CRADD: variants seen among roughly 807,000 people sequenced by gnomAD.
The protein encoded by CRADD is death domain-containing protein CRADD.
CRADD carries 9 observed loss-of-function variants against 15.5 expected under a neutral mutation model. That is an observed-to-expected ratio of 0.58 (90% CI 0.35 to 1.01). CRADD has a LOEUF of 1.01. Among genes scored for constraint, CRADD ranks in the 50% least tolerant of loss-of-function variants. The pLI is 0.02. For synonymous variants in CRADD, 118 were observed against 107.6 expected (o/e 1.10, Z -0.60); for missense variants, 227 against 250.3 (o/e 0.91, Z 0.63).
Position 93,791,967 on chromosome 12 carries a change from A to G in CRADD, c.299-58003A>G, listed in dbSNP as rs185975438. Reference sequence around the variant, plus strand: ...GCTGTATGGTGGCCCAGACTGGTTGAATTTTTTCACTTAACTTTTTGTTGA... The same window carrying G: ...GCTGTATGGTGGCCCAGACTGGTTGGATTTTTTCACTTAACTTTTTGTTGA... On this transcript the variant is annotated intron_variant, in intron 2 of 2. Transcript: ENST00000332896. Among the ~76,000 whole-genome samples the G allele has an allele frequency of 2.8e-4, 42 of 150,364 alleles. No individual in the cohort carries two copies. In the East Asian group the frequency reaches 7.4e-3, roughly 27 times the overall value.
intron 2 of CRADD, among the ~76,000 whole-genome samples, chr12:93,819,445 T>C (rs1029074397): frequency 5.3e-5 from 8 of 152,200 alleles, no homozygotes; most frequent in Admixed American, 1.3e-4. Flanking sequence ...GCTTAATGTG[T>C]GGTGGTTAAA....
At chr12:93,693,830 A>C (rs1031572952) in intron 2 of CRADD, among the ~76,000 whole-genome samples, 1 of 152,082 alleles carries the variant, frequency 6.6e-6, no homozygotes, top group Non-Finnish European at 1.5e-5. Context: ...AAGGATATTG[A>C]GTCAGTAATA....
At chr12:93,817,123 G>T (rs1025293302) in intron 2 of CRADD, among the ~76,000 whole-genome samples, 2 of 152,012 alleles carry the variant, frequency 1.3e-5, no homozygotes, top group African/African-American at 4.8e-5. Context: ...AATATAAAAG[G>T]TATTAGACCA....
intron 2 of CRADD, among the ~76,000 whole-genome samples, chr12:93,752,430 T>C (rs925898138): frequency 2.6e-5 from 4 of 152,232 alleles, no homozygotes; most frequent in Admixed American, 2.6e-4. Flanking sequence ...CTATAGGCCC[T>C]TTTAGGTCTT....
At chr12:93,829,310 T>A (rs939600059) in intron 2 of CRADD, among the ~76,000 whole-genome samples, 1 of 152,120 alleles carries the variant, frequency 6.6e-6, no homozygotes, top group African/African-American at 2.4e-5. Context: ...CTTTAGACTA[T>A]TATGCTGTGT....
intron 2 of CRADD, among the ~76,000 whole-genome samples, chr12:93,875,220 G>C (rs1244067876): frequency 6.6e-6 from 1 of 151,568 alleles, no homozygotes. Flanking sequence ...TATTTTGTCT[G>C]ATGGCACTAT....
At chr12:93,837,356 C>T in intron 2 of CRADD, 1 of 151,994 alleles carries the variant, frequency 6.6e-6, no homozygotes, top group Admixed American at 6.6e-5. Context: ...CAACCTCCAC[C>T]TCCTGAGATC....
intron 2 of CRADD, among the ~76,000 whole-genome samples, chr12:93,722,564 A>G (rs760387058): frequency 3.3e-5 from 5 of 151,908 alleles, no homozygotes; most frequent in Admixed American, 6.6e-5. Context: ...GGAGGTTTCT[A>G]TTGATACATT....
intron 2 of CRADD, among the ~76,000 whole-genome samples, chr12:93,820,028 C>G (rs960530571): frequency 6.6e-6 from 1 of 152,218 alleles, no homozygotes; most frequent in Non-Finnish European, 1.5e-5. Context: ...CTCCTTCAGT[C>G]TTTTCCATAC....
At chr12:93,807,837 C>T (rs56180199) in intron 2 of CRADD, among the ~76,000 whole-genome samples, 3,262 of 152,102 alleles carry the variant, frequency 0.021, 106 homozygotes, top group African/African-American at 0.074. Flanking sequence ...CTGCTATGTG[C>T]TAGGCACTGT....
intron 2 of CRADD, among the ~76,000 whole-genome samples, chr12:93,810,636 G>A (rs1181536136): frequency 2.1e-5 from 3 of 144,160 alleles, no homozygotes; most frequent in Non-Finnish European, 4.5e-5. Context: ...CAGTATGGCT[G>A]ATGTGTGTAT....
chr12:93,732,039 G>A (rs1256661111), intron 2 of CRADD, among the ~76,000 whole-genome samples: 1 of 152,068 alleles, frequency 6.6e-6, no homozygotes, highest in Non-Finnish European at 1.5e-5. Context: ...GGGAGGCTGA[G>A]GCAGGAGAAT....
chr12:93,850,551 T>C lies in CRADD; in HGVS notation c.*280T>C. 1 of 1,081,758 alleles carries C rather than the reference T, an allele frequency of 9.2e-7. No individual in the cohort carries two copies. The highest frequency in any genetic ancestry group is 1.1e-6 in the Non-Finnish European group (1 of 880,824). The allele number at this position is 1,081,758 out of a possible 1,614,324, so 67.0% of individuals were successfully genotyped here. ...AATGTGTAATGGCATTTTAATAGACTAGTAAATCACAGTGGTTCAAAATAT... is the reference window on the plus strand; with the variant it reads ...AATGTGTAATGGCATTTTAATAGACCAGTAAATCACAGTGGTTCAAAATAT... On this transcript the variant is annotated 3_prime_UTR_variant, in exon 3 of 3. Transcript: ENST00000332896. The surrounding 1 kb of genome is among the most constrained non-coding windows in gnomAD (Gnocchi z 4.0).
At chr12:93,760,675 G>A (rs1320476022) in intron 2 of CRADD, among the ~76,000 whole-genome samples, 1 of 151,978 alleles carries the variant, frequency 6.6e-6, no homozygotes, top group Non-Finnish European at 1.5e-5. Context: ...TCATTGGTTT[G>A]TTTGCCATTC....
chr12:93,802,336 A>G (rs926060190), intron 2 of CRADD, among the ~76,000 whole-genome samples: 3 of 152,218 alleles, frequency 2.0e-5, no homozygotes, highest in African/African-American at 4.8e-5. Context: ...TTTTAACCAC[A>G]TCCATGCCCA....
intron 2 of CRADD, among the ~76,000 whole-genome samples, chr12:93,876,704 A>C (rs1958459861): frequency 6.6e-6 from 1 of 152,132 alleles, no homozygotes; most frequent in Non-Finnish European, 1.5e-5. Flanking sequence ...AAATTTATCT[A>C]ATAGAATTCT....
intron 2 of CRADD, among the ~76,000 whole-genome samples, chr12:93,829,723 C>T (rs916852983): frequency 1.7e-4 from 26 of 151,926 alleles, no homozygotes; most frequent in South Asian, 2.1e-4. Flanking sequence ...GATGGAGCCT[C>T]GCTGTGTCAC....
Position 93,789,794 on chromosome 12 carries a change from T to C in CRADD, c.299-60176T>C, listed in dbSNP as rs142261573. On this transcript the variant is annotated intron_variant, in intron 2 of 2. Transcript: ENST00000332896. ...AGTAGTTAAAAATGGTATACCTTTA[T>C]TATGCTGAAAGAAGGGAAAATTTGG... Among the ~76,000 whole-genome samples the C allele has an allele frequency of 4.5e-3, 681 of 152,304 alleles. 6 individuals carry two copies. The highest frequency in any genetic ancestry group is 0.016 in the African/African-American group (653 of 41,564).
At chr12:93,792,185 G>T (rs1957356992) in intron 2 of CRADD, among the ~76,000 whole-genome samples, 1 of 152,132 alleles carries the variant, frequency 6.6e-6, no homozygotes. Context: ...TGTCTTAGGG[G>T]AGAACTGGCC....
Sources: gnomAD v4.1 joint callset for allele counts (sites outside exome capture counted in the v4.1 genomes callset) on GRCh38, gnomAD v4.1.1 for gene constraint, Gnocchi (gnomAD v3.1) non-coding constraint, MANE v1.5 for transcripts, NCBI Gene and HGNC (gene_info 2026-07-23, HGNC 2026-07-21) for gene names.